TLL2: variants seen among roughly 807,000 people sequenced by gnomAD.
The protein encoded by TLL2 is tolloid like 2.
TLL2 carries 106 observed loss-of-function variants against 123.0 expected under a neutral mutation model. That is an observed-to-expected ratio of 0.86 (90% CI 0.74 to 1.01). The LOEUF is 1.01. TLL2 is among the 50% of genes least tolerant of loss of function. The pLI, the probability that TLL2 is intolerant of heterozygous loss-of-function variation, is 0.00. For missense variants in TLL2, 1,332 were observed against 1,336.7 expected (o/e 1.00, Z 0.06); for synonymous variants, 494 against 516.8 (o/e 0.96, Z 0.60).
At chr10:96,376,963 G>C (rs1846144273) in intron 17 of TLL2, 144 bp from the exon 18 acceptor site, 1 of 672,926 alleles carries the variant, frequency 1.5e-6, no homozygotes, top group Non-Finnish European at 2.2e-6. Context: ...CCTGAATCAG[G>C]TATCTCCTGG....
intron 2 of TLL2, among the ~76,000 whole-genome samples, chr10:96,460,732 A>G (rs1028064819): frequency 1.3e-5 from 2 of 152,192 alleles, no homozygotes; most frequent in Non-Finnish European, 2.9e-5. Context: ...TGGAACTATG[A>G]GTCAATTAAA....
intron 1 of TLL2, among the ~76,000 whole-genome samples, chr10:96,497,667 C>G (rs1007550012): frequency 1.3e-5 from 2 of 152,334 alleles, no homozygotes; most frequent in African/African-American, 4.8e-5. Flanking sequence ...TGCCCCTCAC[C>G]ACAGGGATAA....
chr10:96,410,285 A>T, intron 9 of TLL2, 74 bp downstream of exon 9: 1 of 1,081,218 alleles, frequency 9.2e-7, no homozygotes, highest in Non-Finnish European at 1.4e-6. Context: ...TTTTACTATT[A>T]ACAATAAGAA....
chr10:96,483,969 T>C (rs1564916626), intron 1 of TLL2, among the ~76,000 whole-genome samples: 1 of 152,310 alleles, frequency 6.6e-6, no homozygotes, highest in South Asian at 2.1e-4. Context: ...CTACCTCCCA[T>C]GTAGCTGGGA....
chr10:96,504,427 T>C (rs554796668), intron 1 of TLL2, among the ~76,000 whole-genome samples: 4 of 152,162 alleles, frequency 2.6e-5, no homozygotes, highest in East Asian at 3.9e-4. Flanking sequence ...CTGGCTGATA[T>C]GGCGAAACTC....
In TLL2 at chr10:96,413,306, A is replaced by C. The variant is rs760464995; in HGVS notation, c.934T>G (p.Leu312Val). ...TCTTGACGGGGAAGGATGGTGTCTAAGAAAACTCCTCTACAGGAAGGAAAA... is the reference window on the plus strand; with the variant it reads ...TCTTGACGGGGAAGGATGGTGTCTACGAAAACTCCTCTACAGGAAGGAAAA... ...ARNTFSRGVF[L>V]DTILPRQDDN... Residue 312 changes from leucine to valine, a missense_variant, in exon 8 of 21, where the codon TTA (leucine) becomes GTA (valine). Leu to Val is a conservative substitution (Grantham distance 32, BLOSUM62 1). Transcript: ENST00000357947. 1 of 1,613,822 alleles carries C rather than the reference A, an allele frequency of 6.2e-7. No individual in the cohort carries two copies. Among genetic ancestry groups the C allele is most frequent in the Non-Finnish European group, 8.5e-7 (1 of 1,179,706 alleles).
At chr10:96,445,546 C>T (rs1179949293) in intron 3 of TLL2, among the ~76,000 whole-genome samples, 1 of 152,174 alleles carries the variant, frequency 6.6e-6, no homozygotes, top group Non-Finnish European at 1.5e-5. Flanking sequence ...CCCCCACAAT[C>T]CCCACTCCAG....
intron 1 of TLL2, among the ~76,000 whole-genome samples, chr10:96,500,195 A>ATAG (rs1447016729): frequency 6.6e-6 from 1 of 151,572 alleles, no homozygotes; most frequent in Non-Finnish European, 1.5e-5. Context: ...GTGCACACCT[A>ATAG]TAGTCCCAGC....
intron 2 of TLL2, among the ~76,000 whole-genome samples, chr10:96,473,307 T>C (rs1331363995): frequency 6.6e-6 from 1 of 151,950 alleles, no homozygotes; most frequent in Non-Finnish European, 1.5e-5. Flanking sequence ...GTACAAAAAT[T>C]AGCTGGGCAT....
chr10:96,386,834 A>G (rs1295305995), intron 14 of TLL2, 119 bp downstream of exon 14: 7 of 1,451,474 alleles, frequency 4.8e-6, no homozygotes, highest in Middle Eastern at 1.8e-4. Context: ...GTCTTCCACC[A>G]TGTCTGCCCA....
chr10:96,450,806 G>T (rs937701667), intron 2 of TLL2, among the ~76,000 whole-genome samples: 5 of 151,992 alleles, frequency 3.3e-5, no homozygotes, highest in Non-Finnish European at 7.4e-5. Context: ...AGTTTTCAGG[G>T]TATGGGGATG....
chr10:96,369,751 GA>G (rs1177053999), intron 20 of TLL2, among the ~76,000 whole-genome samples: 4 of 140,960 alleles, frequency 2.8e-5, no homozygotes, highest in Non-Finnish European at 6.2e-5. Context: ...CGTCTCGGGG[GA>G]AAAAAAAGAA....
intron 9 of TLL2, among the ~76,000 whole-genome samples, chr10:96,405,832 A>G (rs920208730): frequency 7.9e-5 from 12 of 152,276 alleles, no homozygotes; most frequent in African/African-American, 2.4e-4. Context: ...ACCTTCCTAC[A>G]GTTAGTCCAT....
chr10:96,380,064 C>T (rs1846172222), intron 16 of TLL2, among the ~76,000 whole-genome samples: 1 of 152,242 alleles, frequency 6.6e-6, no homozygotes, highest in African/African-American at 2.4e-5. Context: ...AGTTGCCTCA[C>T]TTGTAAAATG....
chr10:96,385,044 T>C (rs1342641309), intron 15 of TLL2, among the ~76,000 whole-genome samples: 2 of 152,246 alleles, frequency 1.3e-5, no homozygotes, highest in African/African-American at 4.8e-5. Context: ...CTTTAATTTA[T>C]TTTATATATT....
chr10:96,477,546 G>C (rs1005979086), intron 2 of TLL2, among the ~76,000 whole-genome samples: 2 of 152,058 alleles, frequency 1.3e-5, no homozygotes, highest in African/African-American at 4.8e-5. Context: ...TCCCAGGTCA[G>C]TCTTCTCTCT....
rs865950241 is a variant in TLL2, at chr10:96,392,482, C to T, written c.1726+2705G>A. 2.3e-4 allele frequency among the ~76,000 whole-genome samples: 35 copies of T among 151,850 alleles called. 1 individual carries two copies. The Middle Eastern group carries it at 0.024, about 103-fold the overall frequency. On this transcript the variant is annotated intron_variant, in intron 13 of 20. Coordinates refer to ENST00000357947, the MANE Select transcript of TLL2 (RefSeq NM_012465.4). Reference sequence around the variant, plus strand: ...TTTTAATTTCCTAAACCTGACAAGCCTAATCTCCAGCTTTAGCTGGTACTC... The same window carrying T: ...TTTTAATTTCCTAAACCTGACAAGCTTAATCTCCAGCTTTAGCTGGTACTC...
In TLL2 at chr10:96,494,004, C is replaced by T. The variant is rs193073750; in HGVS notation, c.176-13545G>A. Among the ~76,000 whole-genome samples, 584 of 152,318 alleles carry T rather than the reference C, an allele frequency of 3.8e-3. 5 individuals carry two copies. Among genetic ancestry groups the T allele is most frequent in the African/African-American group, 0.012 (519 of 41,576 alleles). On this transcript the variant is annotated intron_variant, in intron 1 of 20. Coordinates refer to ENST00000357947, the MANE Select transcript of TLL2 (RefSeq NM_012465.4). ...CAAGACTCAGAGCTCGGTTCACTGCCCTGCACAGGATGCTGGTCCCAGCAT... is the reference window on the plus strand; with the variant it reads ...CAAGACTCAGAGCTCGGTTCACTGCTCTGCACAGGATGCTGGTCCCAGCAT...
At position 96,379,033 on chromosome 10, in the gene TLL2, C is replaced by G; in HGVS notation, c.2254G>C (p.Gly752Arg). 1.2e-6 allele frequency: 2 copies of G among 1,614,206 alleles called. No individual in the cohort carries two copies. Among genetic ancestry groups the G allele is most frequent in the Non-Finnish European group, 1.7e-6 (2 of 1,180,030 alleles). The change falls in exon 17 of 21, where the codon GGG becomes CGG. Residue 752 changes from glycine to arginine, a missense_variant. Gly to Arg is a moderately radical substitution (Grantham distance 125). Transcript: ENST00000357947. ...TTTCTGCACCTGCACAGGTAGCTCC[C>G]GAAGGTGTTGACGCACTCATGCTGA... ...GCQHECVNTF[G>R]SYLCRCRNGY...
Sources: gnomAD v4.1 joint callset for allele counts (sites outside exome capture counted in the v4.1 genomes callset) on GRCh38, gnomAD v4.1.1 for gene constraint, MANE v1.5 for transcripts, NCBI Gene and HGNC (gene_info 2026-07-23, HGNC 2026-07-21) for gene names.